LRPAP1: variants seen among roughly 807,000 people sequenced by gnomAD.
LRPAP1 encodes LDL receptor related protein associated protein 1, also known as alpha-2-macroglobulin receptor-associated protein.
A neutral mutation model predicts 39.9 loss-of-function variants in LRPAP1; 41 were observed. The ratio of observed to expected loss-of-function variants is 1.03; its 90% CI spans 0.80 to 1.33. LRPAP1 has a LOEUF of 1.33. Ranked by LOEUF, LRPAP1 falls within the 40% of genes most tolerant of loss-of-function variation. The probability of loss-of-function intolerance (pLI) is 0.00; values close to 1 mark genes in which losing one functional copy is unlikely to be tolerated. For synonymous variants in LRPAP1, 263 were observed against 212.7 expected (o/e 1.24, Z -2.06); for missense variants, 565 against 482.3 (o/e 1.17, Z -1.61).
At position 3,504,682 on chromosome 4, in the gene LRPAP1, G is replaced by A. The variant is rs1275445884; in HGVS notation, c.*8292C>T. Among the ~76,000 whole-genome samples the A allele has an allele frequency of 1.3e-5, 2 of 150,140 alleles. No homozygotes were observed. The highest frequency in any genetic ancestry group is 2.4e-5 in the African/African-American group (1 of 41,132). On this transcript the variant is annotated 3_prime_UTR_variant, in exon 8 of 8. Transcript: ENST00000650182. ...GGAGAATTTCTTGAACCCAGGAGGT[G>A]GAGGTTGCAGTGAGCCAAGATTGCG... is the stretch of plus-strand genomic sequence containing the variant.
intron 6 of LRPAP1, 86 bp downstream of exon 6, chr4:3,516,030 G>A (rs1359847006): frequency 4.8e-6 from 6 of 1,260,604 alleles, no homozygotes; most frequent in East Asian, 5.1e-5. Flanking sequence ...GAGCTTGGAG[G>A]AGAGGGCTGC....
At position 3,514,731 on chromosome 4, in the gene LRPAP1, G is replaced by A. The variant is rs774797217; in HGVS notation, c.1011+21C>T. 7.0e-6 allele frequency: 11 copies of A among 1,579,410 alleles called. 1 individual carries two copies. Among genetic ancestry groups the A allele is most frequent in the African/African-American group, 4.0e-5 (3 of 74,190 alleles). On this transcript the variant is annotated intron_variant, in intron 7 of 7. Coordinates refer to ENST00000650182, the MANE Select transcript of LRPAP1 (RefSeq NM_002337.4). The stretch of plus-strand genomic sequence containing the variant: ...CCTGCAGGGGAACTGTGGCCTCCCC[G>A]GTCCTGGAACCCGTGCGCACCGTGT...
intron 3 of LRPAP1, 68 bp downstream of exon 3, chr4:3,520,004 C>A: frequency 6.4e-7 from 1 of 1,570,062 alleles, no homozygotes; most frequent in South Asian, 1.2e-5. Flanking sequence ...CTGCCCCTCA[C>A]AGCCCCCGCC....
Position 3,508,325 on chromosome 4 carries a change from T to C in LRPAP1, c.*4649A>G, listed in dbSNP as rs1332751685. The C allele has an allele frequency of 2.0e-5, 3 of 152,110 alleles. No individual in the cohort carries two copies. In the East Asian group the frequency reaches 5.8e-4, roughly 29 times the overall value. The allele number at this position is 152,110 out of a possible 1,614,324, so 9.4% of individuals were successfully genotyped here. A position where few individuals can be genotyped will look rare whatever the true frequency, so the allele number is the denominator to read the frequency against. ...CAGGCCTCATGTCTATTTTTAAAAA[T>C]CAAGTTCTTAATGAAAAACCTAAGC... is the stretch of plus-strand genomic sequence containing the variant. On this transcript the variant is annotated 3_prime_UTR_variant, in exon 8 of 8. Transcript: ENST00000650182.
Position 3,525,021 on chromosome 4 carries a change from G to C in LRPAP1, c.235C>G (p.Leu79Val), listed in dbSNP as rs746222429. ...TCCTGTATCTTCAGATCAGCGTGGA[G>C]CTCGGCCAGCCTCACGGGAGGAAGA... ...LHLPPVRLAE[L>V]HADLKIQERD... is the part of the protein sequence containing the mutation. Residue 79 changes from leucine to valine, a missense_variant, in exon 2 of 8, where the codon CTC (leucine) becomes GTC (valine). Coordinates refer to ENST00000650182, the MANE Select transcript of LRPAP1 (RefSeq NM_002337.4). 6 of 1,614,014 alleles carry C rather than the reference G, an allele frequency of 3.7e-6. No homozygotes were observed. The highest frequency in any genetic ancestry group is 1.3e-5 in the African/African-American group (1 of 75,008).
rs1248402513 is a variant in LRPAP1 at position 3,511,827 on chromosome 4, G to T, written c.*1147C>A. On this transcript the variant is annotated 3_prime_UTR_variant, in exon 8 of 8. Coordinates refer to ENST00000650182, the MANE Select transcript of LRPAP1 (RefSeq NM_002337.4). ...GAGCCTCTTCCAGGCTCAGACACGGGAAGGGAACCACGCCCAGAGCCGGAC... is the reference window on the plus strand; with the variant it reads ...GAGCCTCTTCCAGGCTCAGACACGGTAAGGGAACCACGCCCAGAGCCGGAC... The T allele has an allele frequency of 6.8e-6, 1 of 146,640 alleles. No homozygotes were observed. The highest frequency in any genetic ancestry group is 1.5e-5 in the Non-Finnish European group (1 of 66,818). The allele number at this position is 146,640 out of a possible 1,614,324, so 9.1% of individuals were successfully genotyped here.
In LRPAP1 at chr4:3,512,729, T is replaced by A; in HGVS notation, c.*245A>T. The A allele has an allele frequency of 1.9e-6, 1 of 534,588 alleles. No homozygotes were observed. The highest frequency in any genetic ancestry group is 3.3e-6 in the Non-Finnish European group (1 of 300,144). The allele number at this position is 534,588 out of a possible 1,614,324, so 33.1% of individuals were successfully genotyped here. ...CTCACTGGGGTGGTGACTGCCACGC[T>A]GATGCTGAGTGGAAGCCAAGCCCCT... On this transcript the variant is annotated 3_prime_UTR_variant, in exon 8 of 8. Coordinates refer to ENST00000650182, the MANE Select transcript of LRPAP1 (RefSeq NM_002337.4).
intron 1 of LRPAP1, among the ~76,000 whole-genome samples, chr4:3,527,670 C>T (rs908186648): frequency 3.9e-5 from 6 of 152,208 alleles, no homozygotes; most frequent in South Asian, 2.1e-4. Context: ...TGAGGGGCCC[C>T]GGGTCTGCCC....
chr4:3,527,913 A>G (rs1418245794), intron 1 of LRPAP1, among the ~76,000 whole-genome samples: 3 of 152,240 alleles, frequency 2.0e-5, no homozygotes, highest in Non-Finnish European at 4.4e-5. Flanking sequence ...TGCAACCCAC[A>G]GGGGAAAGTC....
chr4:3,532,324 C>A lies in LRPAP1; in HGVS notation c.89G>T (p.Ser30Ile), dbSNP rs1325218309. 6.3e-7 allele frequency: 1 copy of A among 1,585,164 alleles called. No homozygotes were observed. Among genetic ancestry groups the A allele is most frequent in the Non-Finnish European group, 8.6e-7 (1 of 1,165,662 alleles). The change falls in exon 1 of 8, where the codon AGC (serine) becomes ATC (isoleucine). Residue 30 changes from serine (S) to isoleucine (I), a missense_variant. Transcript: ENST00000650182. Reference sequence around the variant, plus strand: ...CTCCCGCGAGTACTTGCCGCCGTGGCTCGCAGCGGGCCAGGGCCCGAGGAA... The same window carrying A: ...CTCCCGCGAGTACTTGCCGCCGTGGATCGCAGCGGGCCAGGGCCCGAGGAA... ...LLFLGPWPAA[S>I]HGGKYSREKN... is the part of the protein sequence containing the mutation.
chr4:3,526,275 G>A (rs781385290), intron 1 of LRPAP1, among the ~76,000 whole-genome samples: 5 of 152,198 alleles, frequency 3.3e-5, no homozygotes, highest in Admixed American at 6.5e-5. Flanking sequence ...TGGTCCTCAT[G>A]AGCTGCCCGT....
chr4:3,525,264 G>A (rs1730046270), intron 1 of LRPAP1: 5 of 564,812 alleles, frequency 8.9e-6, no homozygotes, highest in Admixed American at 3.0e-5. Context: ...TACACGATCC[G>A]GAAACCCCAA....
chr4:3,530,896 G>A (rs1730230692), intron 1 of LRPAP1, among the ~76,000 whole-genome samples: 1 of 152,100 alleles, frequency 6.6e-6, no homozygotes, highest in African/African-American at 2.4e-5. Context: ...ACCTCCAATC[G>A]GTCAGGGAGT....
rs1175593255 is a variant in LRPAP1 at position 3,510,214 on chromosome 4, T to C, written c.*2760A>G. The C allele has an allele frequency of 6.6e-6, 1 of 152,154 alleles. No homozygotes were observed. Among genetic ancestry groups the C allele is most frequent in the African/African-American group, 2.4e-5 (1 of 41,442 alleles). The allele number at this position is 152,154 out of a possible 1,614,324, so 9.4% of individuals were successfully genotyped here. On this transcript the variant is annotated 3_prime_UTR_variant, in exon 8 of 8. Transcript: ENST00000650182. ...TGGGAGGCTGAGACAGGAGCATCAC[T>C]TGAGCCCAGATCAAGACCTGCCTGG...
At chr4:3,524,858 A>T (rs1167075215) in intron 2 of LRPAP1, 49 bp downstream of exon 2, 1 of 1,599,866 alleles carries the variant, frequency 6.3e-7, no homozygotes, top group Non-Finnish European at 8.6e-7. Context: ...GCTCTCAAGC[A>T]TTTAGGAAGA....
intron 5 of LRPAP1, among the ~76,000 whole-genome samples, chr4:3,516,708 G>A (rs1729716683): frequency 1.3e-5 from 2 of 152,232 alleles, no homozygotes; most frequent in South Asian, 4.1e-4. Flanking sequence ...AACCAAGACG[G>A]CTCCTGGACC....
chr4:3,531,893 T>C (rs1730265559), intron 1 of LRPAP1: 1 of 430,954 alleles, frequency 2.3e-6, no homozygotes, highest in Non-Finnish European at 4.1e-6. Context: ...AGGAGACCTG[T>C]GATCTAGCCT....
rs1729817255 is a variant in LRPAP1 at position 3,518,888 on chromosome 4, G to A, written c.575C>T (p.Thr192Ile). The A allele has an allele frequency of 6.2e-7, 1 of 1,610,062 alleles. No homozygotes were observed. Among genetic ancestry groups the A allele is most frequent in the Non-Finnish European group, 8.5e-7 (1 of 1,178,668 alleles). ...KVHEYNVLLE[T>I]LSRTEEIHEN... ...GGGGGCACCTTCGGTCCTGCTCAGGGTCTCCAGCAGGACGTTGTACTCGTG... is the reference window on the plus strand; with the variant it reads ...GGGGGCACCTTCGGTCCTGCTCAGGATCTCCAGCAGGACGTTGTACTCGTG... The change falls in exon 4 of 8, where the codon ACC (threonine) becomes ATC (isoleucine). Residue 192 changes from threonine (T) to isoleucine (I), a missense_variant. Transcript: ENST00000650182.
In LRPAP1 at chr4:3,514,940, T is replaced by C; in HGVS notation, c.835-12A>G. 1 of 1,612,476 alleles carries C rather than the reference T, an allele frequency of 6.2e-7. No homozygotes were observed. Among genetic ancestry groups the C allele is most frequent in the Non-Finnish European group, 8.5e-7 (1 of 1,179,122 alleles). Reference sequence around the variant, plus strand: ...TGCTTGAGCTCCTCCTGGAACAAGGTTTCCATAGGTGAGTGTTCCCTTCCC... The same window carrying C: ...TGCTTGAGCTCCTCCTGGAACAAGGCTTCCATAGGTGAGTGTTCCCTTCCC... On this transcript the variant is annotated splice_polypyrimidine_tract_variant and intron_variant, in intron 6 of 7. Transcript: ENST00000650182.
Sources: allele counts gnomAD v4.1 joint callset (sites outside exome capture counted in the v4.1 genomes callset), GRCh38; gene constraint gnomAD v4.1.1; transcripts MANE v1.5; gene names NCBI Gene and HGNC (gene_info 2026-07-23, HGNC 2026-07-21).